The following CD226 variants were observed in gnomAD, a reference collection of about 807,000 sequenced individuals.
CD226 encodes CD226 antigen.
CD226 carries 24 observed loss-of-function variants against 34.9 expected under a neutral mutation model. The ratio of observed to expected loss-of-function variants is 0.69; its 90% confidence interval spans 0.50 to 0.97. The LOEUF (loss-of-function observed/expected upper bound fraction) is 0.97. Ranked by LOEUF, CD226 falls within the 50% of genes least tolerant of loss-of-function variation. The pLI, the probability that CD226 is intolerant of heterozygous loss-of-function variation, is 0.00. For synonymous variants in CD226, 148 were observed against 147.4 expected (o/e 1.00, Z -0.03); for missense variants, 397 against 412.7 (o/e 0.96, Z 0.33).
intron 2 of CD226, among the ~76,000 whole-genome samples, chr18:69,918,865 C>T (rs1383355044): frequency 6.6e-6 from 1 of 152,204 alleles, no homozygotes; most frequent in Admixed American, 6.5e-5. Context: ...GGACTGTTGC[C>T]CAATACGCAT....
In CD226 at chr18:69,862,086, C is replaced by G. The variant is rs1599365036; in HGVS notation, c.*2228G>C. ...AGACAAGTTCCAAATGTTCTGGAGG[C>G]TTTGCAATACTGCAGTGGTTTGCTA... On this transcript the variant is annotated 3_prime_UTR_variant, in exon 6 of 6. Coordinates refer to ENST00000582621, the MANE Select transcript of CD226 (RefSeq NM_001303618.2). 1 of 152,122 alleles carries G rather than the reference C, an allele frequency of 6.6e-6. No homozygotes were observed. The highest frequency in any genetic ancestry group is 2.4e-5 in the African/African-American group (1 of 41,432). 9.4% of individuals were successfully genotyped at this position (152,122 alleles called of 1,614,324 possible).
chr18:69,935,138 AC>A (rs1247825591), intron 2 of CD226, among the ~76,000 whole-genome samples: 1 of 152,238 alleles, frequency 6.6e-6, no homozygotes, highest in Non-Finnish European at 1.5e-5. Flanking sequence ...TGAGAGCTTT[AC>A]CAGCTAAGAG....
intron 2 of CD226, among the ~76,000 whole-genome samples, chr18:69,908,853 C>T (rs1488566433): frequency 6.6e-6 from 1 of 152,226 alleles, no homozygotes; most frequent in Non-Finnish European, 1.5e-5. Context: ...CCTTTATGAT[C>T]TTGCATCAGC....
In CD226 at chr18:69,853,911, GATC is replaced by G. The variant is rs1982542455; in HGVS notation, c.*10400_*10402del. On this transcript the variant is annotated 3_prime_UTR_variant, in exon 6 of 6. Transcript: ENST00000582621. ...AAAAATAAATATGTGCTTCATTTTG[GATC>G]ATGATTTATAAAGATGAGCCAAAGA... 1 of 151,960 alleles carries G rather than the reference GATC, an allele frequency of 6.6e-6. No homozygotes were observed. Among genetic ancestry groups the G allele is most frequent in the South Asian group, 2.1e-4 (1 of 4,816 alleles). 9.4% of individuals were successfully genotyped at this position (151,960 alleles called of 1,614,324 possible).
intron 2 of CD226, among the ~76,000 whole-genome samples, chr18:69,925,497 T>C (rs2055509898): frequency 6.6e-6 from 1 of 151,936 alleles, no homozygotes. Flanking sequence ...CATATTCCCC[T>C]CTCCAAACTG....
upstream of CD226, among the ~76,000 whole-genome samples, chr18:69,950,738 G>A (rs2055845918): frequency 6.6e-6 from 1 of 152,106 alleles, no homozygotes; most frequent in African/African-American, 2.4e-5. Flanking sequence ...GATGAGTGGG[G>A]TGGGAGTACA....
intron 4 of CD226, among the ~76,000 whole-genome samples, chr18:69,872,096 T>C (rs1169231187): frequency 9.2e-6 from 1 of 108,262 alleles, no homozygotes; most frequent in Non-Finnish European, 2.0e-5. Context: ...GTGTGGTGCA[T>C]TTGGTAACAT....
At chr18:69,865,357 T>C (rs1328924105) in intron 5 of CD226, among the ~76,000 whole-genome samples, 1 of 152,196 alleles carries the variant, frequency 6.6e-6, no homozygotes, top group Non-Finnish European at 1.5e-5. Flanking sequence ...ATAGAGGTTA[T>C]CTTTTAAAAA....
At chr18:69,869,799 CTTT>C (rs1002754140) in intron 4 of CD226, among the ~76,000 whole-genome samples, 1 of 121,690 alleles carries the variant, frequency 8.2e-6, no homozygotes, top group Non-Finnish European at 1.7e-5. Flanking sequence ...TCTTTTTTTT[CTTT>C]TTTTTTTTTT....
intron 2 of CD226, among the ~76,000 whole-genome samples, chr18:69,896,437 T>A (rs1432441361): frequency 6.6e-6 from 1 of 152,204 alleles, no homozygotes; most frequent in Non-Finnish European, 1.5e-5. Flanking sequence ...CACCTCGGCC[T>A]CCCAAAGTGC....
intron 2 of CD226, among the ~76,000 whole-genome samples, chr18:69,930,628 T>C (rs1439276883): frequency 6.6e-6 from 1 of 152,226 alleles, no homozygotes; most frequent in Non-Finnish European, 1.5e-5. Flanking sequence ...GACCTTCCTC[T>C]TGTCTTGTCG....
intron 2 of CD226, among the ~76,000 whole-genome samples, chr18:69,918,900 T>A (rs771947611): frequency 3.0e-4 from 46 of 152,242 alleles, no homozygotes; most frequent in Non-Finnish European, 4.9e-4. Context: ...GGACTGAATG[T>A]GTGGGGCAGG....
chr18:69,880,461 G>A (rs921159364), intron 3 of CD226, among the ~76,000 whole-genome samples: 2 of 151,928 alleles, frequency 1.3e-5, no homozygotes, highest in African/African-American at 2.4e-5. Flanking sequence ...GAGAACCCTC[G>A]CACACTGTTG....
intron 4 of CD226, among the ~76,000 whole-genome samples, chr18:69,869,979 T>C (rs918836436): frequency 6.6e-6 from 1 of 151,132 alleles, no homozygotes; most frequent in Admixed American, 6.6e-5. Context: ...TTTTTTTTTA[T>C]TTTTAGTAGA....
chr18:69,904,611 T>G (rs76062807), intron 2 of CD226, among the ~76,000 whole-genome samples: 7,718 of 152,308 alleles, frequency 0.051, 450 homozygotes, highest in African/African-American at 0.14. Context: ...TTTATTATAG[T>G]CAGTATCATA....
chr18:69,947,266 C>A, intron 1 of CD226, 95 bp downstream of exon 1: 1 of 953,950 alleles, frequency 1.0e-6, no homozygotes. Context: ...ATTATCCTAG[C>A]CAACTAAAGA....
Position 69,861,542 on chromosome 18 carries a change from G to GTGTATATATATATATATA in CD226, c.*2771_*2772insTATATATATATATATACA, listed in dbSNP as rs1555675775. Reference sequence around the variant, plus strand: ...TTATCCATCGATATAAATTATATGTGTATATATATATGTATATATATATAT... The same window carrying GTGTATATATATATATATA: ...TTATCCATCGATATAAATTATATGTGTGTATATATATATATATATATATATATATGTATATATATATAT... On this transcript the variant is annotated 3_prime_UTR_variant, in exon 6 of 6. Transcript: ENST00000582621. The GTGTATATATATATATATA allele has an allele frequency of 2.4e-5, 1 of 41,526 alleles. No homozygotes were observed. Among genetic ancestry groups the GTGTATATATATATATATA allele is most frequent in the Non-Finnish European group, 6.5e-5 (1 of 15,316 alleles). 2.6% of individuals were successfully genotyped at this position (41,526 alleles called of 1,614,324 possible).
intron 3 of CD226, 72 bp downstream of exon 3, chr18:69,895,629 A>G: frequency 9.1e-7 from 1 of 1,103,138 alleles, no homozygotes; most frequent in Non-Finnish European, 1.3e-6. Flanking sequence ...TACCATAAAT[A>G]AAAACAGAGA....
chr18:69,939,355 T>C (rs2055694872), intron 2 of CD226, among the ~76,000 whole-genome samples: 1 of 152,224 alleles, frequency 6.6e-6, no homozygotes, highest in Non-Finnish European at 1.5e-5. Flanking sequence ...GGAACCCTAG[T>C]TTACCTATTT....
Sources: gnomAD v4.1 joint callset for allele counts (sites outside exome capture counted in the v4.1 genomes callset) on GRCh38, gnomAD v4.1.1 for gene constraint, MANE v1.5 for transcripts, NCBI Gene and HGNC (gene_info 2026-07-23, HGNC 2026-07-21) for gene names.